LCTL: variants seen among roughly 807,000 people sequenced by gnomAD.
The protein encoded by LCTL is lactase like.
Under a neutral mutation model 75.8 loss-of-function variants are expected in LCTL, and 76 were observed. The ratio of observed to expected loss-of-function variants is 1.00; its 90% CI spans 0.83 to 1.21. LCTL has a LOEUF of 1.21. Among genes scored for constraint, LCTL ranks in the 50% most tolerant of loss-of-function variants. The pLI, the probability that LCTL is intolerant of heterozygous loss-of-function variation, is 0.00. For synonymous variants in LCTL, 271 were observed against 268.8 expected, an observed-to-expected ratio of 1.01 and a Z score of -0.08; for missense variants, 670 against 712.4, an observed-to-expected ratio of 0.94 and a Z score of 0.68.
At chr15:66,557,745 G>A in exon 8 of LCTL, 2 of 1,614,048 alleles carry the variant, frequency 1.2e-6, no homozygotes, top group Non-Finnish European at 1.7e-6. Context: ...CATGACTTGG[G>A]GGTAGTCACC....
chr15:66,552,928 G>A (rs1225543307), intron 9 of LCTL, 56 bp downstream of exon 10: 4 of 1,393,350 alleles, frequency 2.9e-6, no homozygotes, highest in Non-Finnish European at 3.8e-6. Context: ...AGCTTAAGCT[G>A]TGAGAACATG....
intron 8 of LCTL, among the ~76,000 whole-genome samples, chr15:66,555,592 G>C (rs955584076): frequency 4.6e-5 from 7 of 151,880 alleles, no homozygotes; most frequent in Non-Finnish European, 1.5e-5. Context: ...CAAAAGCACC[G>C]TGACAATTAA....
chr15:66,563,705 G>C, intron 3 of LCTL, 80 bp from the exon 5 acceptor site: 1 of 1,110,452 alleles, frequency 9.0e-7, no homozygotes, highest in African/African-American at 1.5e-5. Flanking sequence ...GCATTCCTGG[G>C]CCCTGTTGCT....
exon 1 of LCTL, chr15:66,565,311 G>A (rs1896000049): frequency 6.2e-7 from 1 of 1,613,750 alleles, no homozygotes; most frequent in African/African-American, 1.3e-5. Flanking sequence ...GCGGCCCCCA[G>A]CCTGGGCACC....
At chr15:66,551,735 G>A in exon 11 of LCTL, 1 of 1,614,010 alleles carries the variant, frequency 6.2e-7, no homozygotes, top group Non-Finnish European at 8.5e-7. Flanking sequence ...TGGATAGCGA[G>A]GCTTATTTCT....
upstream of LCTL, chr15:66,565,600 C>T (rs968745701): frequency 4.0e-6 from 2 of 497,402 alleles, no homozygotes; most frequent in Non-Finnish European, 7.0e-6. Context: ...CTTCTCCCTA[C>T]CTTGGCTCCT....
At chr15:66,564,739 C>G in exon 2 of LCTL, 1 of 1,613,928 alleles carries the variant, frequency 6.2e-7, no homozygotes, top group South Asian at 1.1e-5. Context: ...CTTTCCCCTT[C>G]CCACTGTGTG....
intron 10 of LCTL, 88 bp from the exon 12 acceptor site, chr15:66,551,949 G>T: frequency 6.5e-7 from 1 of 1,536,574 alleles, no homozygotes; most frequent in South Asian, 1.2e-5. Flanking sequence ...TTTCATTTAT[G>T]AGATTTAGAA....
chr15:66,558,142 A>C, intron 6 of LCTL, 106 bp from the exon 8 acceptor site: 1 of 933,230 alleles, frequency 1.1e-6, no homozygotes, highest in Non-Finnish European at 1.6e-6. Context: ...TATTATTTTC[A>C]TCAATCCAGC....
chr15:66,551,372 AC>A (rs1895593930), intron 11 of LCTL, among the ~76,000 whole-genome samples: 1 of 144,320 alleles, frequency 6.9e-6, no homozygotes, highest in Non-Finnish European at 1.5e-5. Context: ...AAAAAAAAAG[AC>A]ACGAGATTTA....
chr15:66,551,068 G>T (rs1173400604), intron 11 of LCTL, among the ~76,000 whole-genome samples: 2 of 151,912 alleles, frequency 1.3e-5, no homozygotes, highest in Non-Finnish European at 2.9e-5. Flanking sequence ...CAAGATTTGG[G>T]CCAGGCGCGG....
Position 66,552,172 on chromosome 15 carries a change from GA to G in LCTL, c.1198-4del, listed in dbSNP as rs1895623758. On this transcript the variant is annotated splice_region_variant and splice_polypyrimidine_tract_variant and intron_variant, in intron 9 of 12. Coordinates refer to ENST00000341509, the Ensembl canonical transcript of LCTL. The stretch of plus-strand genomic sequence containing the variant: ...ATGGGAGGATCACCGTATTGAGTCT[GA>G]AAGTGAGTCATAGCAACAAATATCT... 2 of 1,604,492 alleles carry G rather than the reference GA, an allele frequency of 1.2e-6. No individual in the cohort carries two copies. The highest frequency in any genetic ancestry group is 1.7e-6 in the Non-Finnish European group (2 of 1,177,738).
exon 8 of LCTL, chr15:66,557,853 C>A (rs147368208): frequency 3.1e-6 from 5 of 1,613,972 alleles, no homozygotes; most frequent in East Asian, 4.5e-5. Context: ...AGGTTCCCCC[C>A]AGTCACAGTT....
At chr15:66,556,850 A>T (rs1338727730) in intron 8 of LCTL, among the ~76,000 whole-genome samples, 1 of 152,152 alleles carries the variant, frequency 6.6e-6, no homozygotes, top group African/African-American at 2.4e-5. Flanking sequence ...TGATGGTTGC[A>T]CATTATGAAA....
intron 8 of LCTL, among the ~76,000 whole-genome samples, chr15:66,557,137 A>T (rs1895759254): frequency 6.6e-6 from 1 of 152,168 alleles, no homozygotes; most frequent in African/African-American, 2.4e-5. Flanking sequence ...TGGGTCCTCA[A>T]GGGCACCCCT....
chr15:66,555,043 C>T (rs1895708621), intron 8 of LCTL, among the ~76,000 whole-genome samples: 1 of 152,002 alleles, frequency 6.6e-6, no homozygotes, highest in Admixed American at 6.6e-5. Flanking sequence ...CTGAATTGAT[C>T]TAAAATATAA....
chr15:66,551,896 T>G, intron 10 of LCTL, 35 bp from the exon 12 acceptor site: 1 of 1,551,648 alleles, frequency 6.4e-7, no homozygotes, highest in Non-Finnish European at 8.8e-7. Flanking sequence ...TAAATATATT[T>G]CATTTACTTA....
At chr15:66,556,791 G>A (rs949401582) in intron 8 of LCTL, among the ~76,000 whole-genome samples, 5 of 152,096 alleles carry the variant, frequency 3.3e-5, no homozygotes, top group African/African-American at 7.2e-5. Flanking sequence ...CCAGGGACTC[G>A]GCAAAGTTTC....
At chr15:66,565,786 C>G (rs997268820), upstream of LCTL, 3 of 181,624 alleles carry the variant, frequency 1.7e-5, no homozygotes, top group African/African-American at 2.4e-5. Flanking sequence ...CATCCCAGTG[C>G]CTCTGTCCTG....
Sources: allele counts gnomAD v4.1 joint callset (sites outside exome capture counted in the v4.1 genomes callset), GRCh38; gene constraint gnomAD v4.1.1; transcripts MANE v1.5; gene names NCBI Gene and HGNC (gene_info 2026-07-23, HGNC 2026-07-21).